Variants in ATP10B observed in about 807,000 individuals in gnomAD.
The protein encoded by ATP10B is ATPase phospholipid transporting 10B (putative).
Under a neutral mutation model 141.2 loss-of-function variants are expected in ATP10B, and 122 were observed. The observed-to-expected ratio is 0.86, with a 90% CI of 0.75 to 1.00. ATP10B has a LOEUF of 1.00. Among genes scored for constraint, ATP10B ranks in the 50% least tolerant of loss-of-function variants. The pLI, the probability that ATP10B is intolerant of heterozygous loss-of-function variation, is 0.00. For missense variants in ATP10B, 1,876 were observed against 1,825.3 expected, an observed-to-expected ratio of 1.03 and a Z score of -0.51; for synonymous variants, 685 against 692.0, an observed-to-expected ratio of 0.99 and a Z score of 0.16.
Position 160,565,513 on chromosome 5 carries a change from A to G in ATP10B, c.4326T>C (p.Asp1442=), listed in dbSNP as rs1397635959. ...TGCTCCTCTTTGAGCACCGGCACAT[A>G]TCAGTCTGTCCTCTTGAGTAGGCCA... The part of the protein sequence containing the change: ...RIMAYSRGQT[D]MCRCSKRSSH... Residue 1442 remains aspartate, a synonymous_variant, in exon 26 of 26, where the codon GAT becomes GAC. Coordinates refer to ENST00000327245, the MANE Select transcript of ATP10B (RefSeq NM_025153.3). 6.2e-7 allele frequency: 1 copy of G among 1,614,128 alleles called. No individual in the cohort carries two copies. Among genetic ancestry groups the G allele is most frequent in the South Asian group, 1.1e-5 (1 of 91,070 alleles).
At chr5:160,908,654 A>G in the ATP10B span, among the ~76,000 whole-genome samples, 1 of 152,156 alleles carries the variant, frequency 6.6e-6, no homozygotes, top group East Asian at 1.9e-4. Flanking sequence ...CAGGAACACA[A>G]TGGTGATCTG....
chr5:160,869,633 A>T, the ATP10B span, among the ~76,000 whole-genome samples: 1 of 152,188 alleles, frequency 6.6e-6, no homozygotes, highest in Non-Finnish European at 1.5e-5. Context: ...CTCTTCTTGT[A>T]TCTGTAAGAA....
the ATP10B span, among the ~76,000 whole-genome samples, chr5:160,927,692 C>A: frequency 6.6e-6 from 1 of 152,204 alleles, no homozygotes; most frequent in Admixed American, 6.5e-5. Flanking sequence ...TTATTAGAGA[C>A]TCTGCCAAGC....
chr5:160,696,438 G>A (rs1452809690), intron 3 of ATP10B, among the ~76,000 whole-genome samples: 1 of 152,082 alleles, frequency 6.6e-6, no homozygotes, highest in African/African-American at 2.4e-5. Context: ...TTGGTTTTGA[G>A]CTAAACCTTA....
At chr5:160,603,843 A>T (rs1185301747) in intron 20 of ATP10B, 122 bp downstream of exon 20, 4 of 736,006 alleles carry the variant, frequency 5.4e-6, no homozygotes, top group Non-Finnish European at 9.6e-6. Flanking sequence ...TTGCTTATGG[A>T]GGGCATTGCA....
intron 2 of ATP10B, among the ~76,000 whole-genome samples, chr5:160,776,527 A>G (rs934123169): frequency 2.0e-5 from 3 of 152,158 alleles, no homozygotes; most frequent in Admixed American, 2.0e-4. Flanking sequence ...GGTGTAACTG[A>G]TATTTACAGA....
chr5:160,746,727 A>G (rs1392345241), intron 2 of ATP10B, among the ~76,000 whole-genome samples: 1 of 152,128 alleles, frequency 6.6e-6, no homozygotes, highest in Non-Finnish European at 1.5e-5. Context: ...TGTTGCTTAA[A>G]CTAATATGTA....
the ATP10B span, among the ~76,000 whole-genome samples, chr5:160,903,296 G>T: frequency 4.6e-5 from 7 of 152,230 alleles, no homozygotes; most frequent in Middle Eastern, 3.4e-3. Flanking sequence ...CCCAGTTCTC[G>T]ATGTGGTGAG....
intron 22 of ATP10B, among the ~76,000 whole-genome samples, chr5:160,595,601 G>A (rs1391052721): frequency 6.6e-6 from 1 of 152,112 alleles, no homozygotes; most frequent in Admixed American, 6.6e-5. Context: ...ATGAATCCAG[G>A]AGCTGGTTTT....
chr5:160,724,830 G>A (rs949170649), intron 2 of ATP10B, among the ~76,000 whole-genome samples: 1 of 152,132 alleles, frequency 6.6e-6, no homozygotes, highest in African/African-American at 2.4e-5. Flanking sequence ...AAAACTGTAA[G>A]TTCCCTCCAC....
Position 160,563,602 on chromosome 5 carries a change from C to T in ATP10B, c.*1851G>A, listed in dbSNP as rs1232905774. ...GGTTTCATGTAATTTTGACTTAATA[C>T]CTATGTCAAGCCTGGGAAGAAAGGC... On this transcript the variant is annotated 3_prime_UTR_variant, in exon 26 of 26. Transcript: ENST00000327245. 1 of 152,084 alleles carries T rather than the reference C, an allele frequency of 6.6e-6. No homozygotes were observed. Among genetic ancestry groups the T allele is most frequent in the Non-Finnish European group, 1.5e-5 (1 of 68,016 alleles). 9.4% of individuals were successfully genotyped at this position (152,084 alleles called of 1,614,324 possible). A position where few individuals can be genotyped will look rare whatever the true frequency, so the allele number is the denominator to read the frequency against.
intron 1 of ATP10B, among the ~76,000 whole-genome samples, chr5:160,791,452 G>A (rs6866584): frequency 0.13 from 20,458 of 152,042 alleles, 1,498 homozygotes; most frequent in African/African-American, 0.18. Flanking sequence ...ACAGTGACTT[G>A]AACACCTAAA....
chr5:160,826,790 T>C (rs995879882), intron 1 of ATP10B, among the ~76,000 whole-genome samples: 3 of 151,930 alleles, frequency 2.0e-5, no homozygotes, highest in African/African-American at 7.3e-5. Flanking sequence ...GCTCTAGGAG[T>C]GTCTGTCTGA....
At chr5:160,881,296 G>C in the ATP10B span, among the ~76,000 whole-genome samples, 1 of 152,168 alleles carries the variant, frequency 6.6e-6, no homozygotes, top group Admixed American at 6.5e-5. Context: ...AACACCAAAT[G>C]CTAACAAGAA....
the ATP10B span, among the ~76,000 whole-genome samples, chr5:160,899,978 G>A: frequency 1.5e-3 from 235 of 152,320 alleles, no homozygotes; most frequent in Non-Finnish European, 2.4e-3. Context: ...CACTCCAAGG[G>A]AAGCCTTCCA....
At chr5:160,913,698 A>G in the ATP10B span, among the ~76,000 whole-genome samples, 1 of 152,088 alleles carries the variant, frequency 6.6e-6, no homozygotes, top group Non-Finnish European at 1.5e-5. Flanking sequence ...TGTCTCCTTT[A>G]TGTATTCTTT....
chr5:160,832,611 G>T (rs1438791025), intron 1 of ATP10B, among the ~76,000 whole-genome samples: 1 of 152,094 alleles, frequency 6.6e-6, no homozygotes, highest in East Asian at 1.9e-4. Flanking sequence ...TATAACCTGT[G>T]CTTCTAGAAT....
chr5:160,851,637 T>C, intron 1 of ATP10B, among the ~76,000 whole-genome samples: 1 of 152,202 alleles, frequency 6.6e-6, no homozygotes, highest in East Asian at 1.9e-4. Context: ...ACTGGATGAA[T>C]GCAGGATAGC....
At chr5:160,783,930 G>A (rs1007657226) in intron 2 of ATP10B, among the ~76,000 whole-genome samples, 2 of 151,956 alleles carry the variant, frequency 1.3e-5, no homozygotes, top group Non-Finnish European at 2.9e-5. Context: ...GGCCATTCTT[G>A]CAGAAGGACT....
Sources: allele counts gnomAD v4.1 joint callset (sites outside exome capture counted in the v4.1 genomes callset), GRCh38; gene constraint gnomAD v4.1.1; transcripts MANE v1.5; gene names NCBI Gene and HGNC (gene_info 2026-07-23, HGNC 2026-07-21).